SCUBE1: variants seen among roughly 807,000 people sequenced by gnomAD.
The protein encoded by SCUBE1 is signal peptide, CUB and EGF-like domain-containing protein 1.
In SCUBE1, 59 loss-of-function variants were observed where a neutral mutation model predicts 124.4. That is an observed-to-expected ratio of 0.47 (90% CI 0.38 to 0.59). SCUBE1 has a LOEUF of 0.59. Among genes scored for constraint, SCUBE1 ranks in the 20% least tolerant of loss-of-function variants. The pLI is 0.00. For synonymous variants in SCUBE1, 545 were observed against 550.9 expected (o/e 0.99, Z 0.15); for missense variants, 1,150 against 1,371.2 (o/e 0.84, Z 2.55).
intron 1 of SCUBE1, among the ~76,000 whole-genome samples, chr22:43,341,456 T>C (rs531226374): frequency 5.3e-5 from 8 of 152,274 alleles, no homozygotes; most frequent in Non-Finnish European, 1.2e-4. Context: ...ATATGGCTCT[T>C]CCCACTTCCC....
chr22:43,339,149 A>G lies in SCUBE1; in HGVS notation c.175T>C (p.Cys59Arg). Residue 59 changes from cysteine (C) to arginine (R), a missense_variant, in exon 2 of 22, where the codon TGC becomes CGC. Physicochemically the swap from Cys to Arg is radical, Grantham distance 180. Transcript: ENST00000360835. ...ICQNTPKSYK[C>R]LCKPGYKGEG... ...CCCTTGTAGCCTGGCTTGCAGAGGC[A>G]TTTGTAGGACTTGGGCGTGTTCTGA... 6.2e-7 allele frequency: 1 copy of G among 1,613,872 alleles called. No individual in the cohort carries two copies. The highest frequency in any genetic ancestry group is 1.7e-5 in the Admixed American group (1 of 60,010).
chr22:43,262,008 C>T (rs1401867538), intron 5 of SCUBE1, among the ~76,000 whole-genome samples: 1 of 152,050 alleles, frequency 6.6e-6, no homozygotes, highest in African/African-American at 2.4e-5. Flanking sequence ...ATGGGGTGAC[C>T]CCATTAAGAG....
Position 43,255,390 on chromosome 22 carries a change from C to T in SCUBE1, c.727+2829G>A, listed in dbSNP as rs2146703610. On this transcript the variant is annotated intron_variant, in intron 6 of 21. Transcript: ENST00000360835. The surrounding 1 kb of genome is among the most constrained non-coding windows in gnomAD (Gnocchi z 4.7). ...ACGTCACACCCACACACAGCACACA[C>T]ACGCCCATGTCCACATGCCAGTGCG... 2 of 1,043,252 alleles carry T rather than the reference C, an allele frequency of 1.9e-6. No individual in the cohort carries two copies. The highest frequency in any genetic ancestry group is 1.6e-5 in the African/African-American group (1 of 63,728). The allele number at this position is 1,043,252 out of a possible 1,614,324, so 64.6% of individuals were successfully genotyped here. A position where few individuals can be genotyped will look rare whatever the true frequency, so the allele number is the denominator to read the frequency against.
At chr22:43,225,079 G>T (rs1922249204) in intron 10 of SCUBE1, among the ~76,000 whole-genome samples, 1 of 152,066 alleles carries the variant, frequency 6.6e-6, no homozygotes, top group Non-Finnish European at 1.5e-5. Flanking sequence ...TCATTTAATA[G>T]CTTCTGCCAC....
chr22:43,279,348 A>G (rs1248911588), intron 4 of SCUBE1, among the ~76,000 whole-genome samples: 1 of 152,188 alleles, frequency 6.6e-6, no homozygotes, highest in Non-Finnish European at 1.5e-5. Context: ...CTCGGTGCAT[A>G]TGCTGTGCAG....
intron 3 of SCUBE1, among the ~76,000 whole-genome samples, chr22:43,296,831 A>G (rs966274944): frequency 1.3e-5 from 2 of 152,216 alleles, no homozygotes; most frequent in Non-Finnish European, 2.9e-5. Flanking sequence ...GGGCCGTGCC[A>G]CAGGGGCCTT....
In SCUBE1 at chr22:43,211,055, G is replaced by A; in HGVS notation, c.2250C>T (p.Asn750=). The A allele has an allele frequency of 2.5e-6, 4 of 1,613,512 alleles. No homozygotes were observed. The highest frequency in any genetic ancestry group is 3.4e-6 in the Non-Finnish European group (4 of 1,179,762). Residue 750 remains asparagine, a synonymous_variant, in exon 18 of 22, where the codon AAC becomes AAT. Coordinates refer to ENST00000360835, the MANE Select transcript of SCUBE1 (RefSeq NM_173050.5). This position sits in a 1 kb window ranked among gnomAD's most constrained non-coding sequence, Gnocchi z 4.5. ...KVHCSPGHHY[N]TTTHRCIRCP... ...AGCGGATGCAGCGGTGGGTGGTGGT[G>A]TTGTAGTGGTGGCCGGGGGAGCAGT...
chr22:43,208,275 G>C, intron 19 of SCUBE1, 51 bp from the exon 20 acceptor site: 1 of 1,591,464 alleles, frequency 6.3e-7, no homozygotes, highest in Non-Finnish European at 8.6e-7. Context: ...AGCTCCTCCT[G>C]CCCTAGGCCA....
intron 4 of SCUBE1, among the ~76,000 whole-genome samples, chr22:43,267,199 G>A (rs931847516): frequency 4.6e-5 from 7 of 152,316 alleles, no homozygotes; most frequent in Admixed American, 2.0e-4. Context: ...GGAGACATGA[G>A]CTTCATTCTT....
chr22:43,304,358 C>T lies in SCUBE1; in HGVS notation c.350-13178G>A, dbSNP rs184137247. Among the ~76,000 whole-genome samples, 8 of 152,336 alleles carry T rather than the reference C, an allele frequency of 5.3e-5. No individual in the cohort carries two copies. The East Asian group carries it at 1.4e-3, about 26-fold the overall frequency. ...TGGTGCATGGGTAAACAGGGAAAGA[C>T]GAGGCCAAGGCCTGCCCTCAGGGAG... On this transcript the variant is annotated intron_variant, in intron 3 of 21. Coordinates refer to ENST00000360835, the MANE Select transcript of SCUBE1 (RefSeq NM_173050.5).
At chr22:43,327,768 C>T (rs1228156412) in intron 2 of SCUBE1, among the ~76,000 whole-genome samples, 1 of 152,114 alleles carries the variant, frequency 6.6e-6, no homozygotes, top group Non-Finnish European at 1.5e-5. Flanking sequence ...GCCTGGGCGA[C>T]AGAGCAAGAC....
chr22:43,342,278 T>G (rs967259878), intron 1 of SCUBE1, among the ~76,000 whole-genome samples: 1 of 151,778 alleles, frequency 6.6e-6, no homozygotes, highest in Non-Finnish European at 1.5e-5. Flanking sequence ...GGGGTCCCCG[T>G]GAAACCCACG....
At position 43,343,370 on chromosome 22, in the gene SCUBE1, G is replaced by T. The variant is rs1379391738; in HGVS notation, c.-109C>A. 3 of 422,828 alleles carry T rather than the reference G, an allele frequency of 7.1e-6. No individual in the cohort carries two copies. The Admixed American group carries it at 1.8e-4, about 25-fold the overall frequency. 26.2% of individuals were successfully genotyped at this position (422,828 alleles called of 1,614,324 possible). A position where few individuals can be genotyped will look rare whatever the true frequency, so the allele number is the denominator to read the frequency against. On this transcript the variant is annotated 5_prime_UTR_variant, in exon 1 of 22. Coordinates refer to ENST00000360835, the MANE Select transcript of SCUBE1 (RefSeq NM_173050.5). The stretch of plus-strand genomic sequence containing the variant: ...TGCTCGCCGCTCCGCCACCGCTCGG[G>T]CTCCCGAGCCGCCCAGCCAGCCCGG...
At position 43,223,324 on chromosome 22, in the gene SCUBE1, T is replaced by G; in HGVS notation, c.1208-108A>C. 9 of 1,300,780 alleles carry G rather than the reference T, an allele frequency of 6.9e-6. No individual in the cohort carries two copies. The South Asian group carries it at 1.3e-4, about 18-fold the overall frequency. The allele number at this position is 1,300,780 out of a possible 1,614,324, so 80.6% of individuals were successfully genotyped here. ...ATGGGGACTCCCCCAACTCCCTTCTTCCATGGCTGGGCTGGCTTGGTGGGA... is the reference window on the plus strand; with the variant it reads ...ATGGGGACTCCCCCAACTCCCTTCTGCCATGGCTGGGCTGGCTTGGTGGGA... On this transcript the variant is annotated intron_variant, in intron 10 of 21. Coordinates refer to ENST00000360835, the MANE Select transcript of SCUBE1 (RefSeq NM_173050.5).
chr22:43,273,149 A>G lies in SCUBE1; in HGVS notation c.485-10304T>C, dbSNP rs182457020. The stretch of plus-strand genomic sequence containing the variant: ...TGTCCAACCCCACACGCTCATTCTC[A>G]GTTTGAGACCCAGTCACTGCCATGC... On this transcript the variant is annotated intron_variant, in intron 4 of 21. Coordinates refer to ENST00000360835, the MANE Select transcript of SCUBE1 (RefSeq NM_173050.5). Among the ~76,000 whole-genome samples the G allele has an allele frequency of 3.0e-3, 458 of 152,326 alleles. 3 individuals are homozygous for G. The highest frequency in any genetic ancestry group is 0.014 in the Middle Eastern group (4 of 294).
chr22:43,210,217 C>T lies in SCUBE1; in HGVS notation c.2407G>A (p.Gly803Ser). ...GACTCGATGTAGCCGGTGTAGTCAC[C>T]AAGCTCGCCGCCGCAGTGCTGGTCT... Reference protein sequence around the residue: ...CKNQHCGGELGDYTGYIESPN... With the variant: ...CKNQHCGGELSDYTGYIESPN... The change falls in exon 19 of 22, where the codon GGT becomes AGT. Residue 803 changes from glycine (G) to serine (S), a missense_variant. Gly to Ser is a moderately conservative substitution (Grantham distance 56). Coordinates refer to ENST00000360835, the MANE Select transcript of SCUBE1 (RefSeq NM_173050.5). The surrounding 1 kb of genome is among the most constrained non-coding windows in gnomAD (Gnocchi z 4.5). 6.4e-7 allele frequency: 1 copy of T among 1,568,704 alleles called. No individual in the cohort carries two copies. The highest frequency in any genetic ancestry group is 1.2e-5 in the South Asian group (1 of 85,070).
rs866394169 is a variant in SCUBE1 at position 43,343,316 on chromosome 22, G to A, written c.-55C>T. 410 of 892,828 alleles carry A rather than the reference G, an allele frequency of 4.6e-4. 3 individuals carry two copies. In the Middle Eastern group the frequency reaches 6.4e-3, roughly 14 times the overall value. The allele number at this position is 892,828 out of a possible 1,614,324, so 55.3% of individuals were successfully genotyped here. ...GCGTGCGGGGCGCGGGGACCCGACC[G>A]ACCGGCCGCTCCCGCAGGCGCTGCT... On this transcript the variant is annotated 5_prime_UTR_variant, in exon 1 of 22. Transcript: ENST00000360835.
chr22:43,275,425 C>A (rs1156480933), intron 4 of SCUBE1, among the ~76,000 whole-genome samples: 1 of 152,198 alleles, frequency 6.6e-6, no homozygotes, highest in Non-Finnish European at 1.5e-5. Context: ...ATGGTCTCAT[C>A]TCCTCTACAC....
chr22:43,286,953 G>T (rs9608013), intron 4 of SCUBE1, among the ~76,000 whole-genome samples: 3 of 152,170 alleles, frequency 2.0e-5, no homozygotes, highest in African/African-American at 7.2e-5. Context: ...GCATCAATCC[G>T]TCAGAAGTTA....
Sources: gnomAD v4.1 joint callset for allele counts (sites outside exome capture counted in the v4.1 genomes callset) on GRCh38, gnomAD v4.1.1 for gene constraint, Gnocchi (gnomAD v3.1) non-coding constraint, MANE v1.5 for transcripts, NCBI Gene and HGNC (gene_info 2026-07-23, HGNC 2026-07-21) for gene names.